Variants in GNAI2 observed in about 807,000 individuals in gnomAD.
GNAI2 encodes the protein guanine nucleotide-binding protein G(i) subunit alpha-2.
GNAI2 carries 4 observed loss-of-function variants against 36.8 expected under a neutral mutation model. The ratio of observed to expected loss-of-function variants is 0.11; its 90% CI spans 0.05 to 0.25. The LOEUF (loss-of-function observed/expected upper bound fraction) is 0.25, where lower values mean the gene tolerates loss of function less well. Ranked by LOEUF, GNAI2 falls within the 10% of genes least tolerant of loss-of-function variation. GNAI2 has a pLI of 1.00. For missense variants in GNAI2, 230 were observed against 481.3 expected (o/e 0.48, Z 4.89); for synonymous variants, 194 against 194.1 (o/e 1.00, Z 0.01).
At chr3:50,228,823 TTCCCTAACTCTG>T (rs1700020864), upstream of GNAI2, among the ~76,000 whole-genome samples, 1 of 152,192 alleles carries the variant, frequency 6.6e-6, no homozygotes, top group Non-Finnish European at 1.5e-5. Context: ...CAAGGCCCAC[TTCCCTAACTCTG>T]TCTGCTTGGC....
At chr3:50,251,106 C>T (rs971700604) in intron 1 of GNAI2, among the ~76,000 whole-genome samples, 1 of 152,176 alleles carries the variant, frequency 6.6e-6, no homozygotes, top group Non-Finnish European at 1.5e-5. Context: ...CCACCACTCC[C>T]GGCGGAATCT....
intron 1 of GNAI2, among the ~76,000 whole-genome samples, chr3:50,250,225 T>C (rs1393547232): frequency 2.0e-5 from 3 of 152,152 alleles, no homozygotes; most frequent in Non-Finnish European, 4.4e-5. Context: ...TGGTGGGCGC[T>C]GTTTTCATAT....
At chr3:50,243,653 A>T (rs953270969) in intron 1 of GNAI2, among the ~76,000 whole-genome samples, 1 of 152,214 alleles carries the variant, frequency 6.6e-6, no homozygotes. Context: ...ATCTTGTCAT[A>T]TTTAATCCTG....
Position 50,256,828 on chromosome 3 carries a change from G to A in GNAI2, c.699G>A (p.Leu233=), listed in dbSNP as rs782061456. 6.2e-7 allele frequency: 1 copy of A among 1,614,228 alleles called. No homozygotes were observed. The highest frequency in any genetic ancestry group is 1.1e-5 in the South Asian group (1 of 91,086). ...GCGTAGCCTTGAGCGCCTATGACTT[G>A]GTGCTAGCTGAGGACGAGGAGATGG... ...IFCVALSAYD[L]VLAEDEEMNR... Residue 233 remains leucine, a synonymous_variant, in exon 6 of 9, where the codon TTG becomes TTA. Coordinates refer to ENST00000313601, the MANE Select transcript of GNAI2 (RefSeq NM_002070.4).
chr3:50,258,117 C>T (rs781821546), intron 8 of GNAI2: 18 of 163,572 alleles, frequency 1.1e-4, no homozygotes, highest in African/African-American at 4.1e-4. Context: ...AGCTCTTGCC[C>T]TCTGACTTGT....
upstream of GNAI2, among the ~76,000 whole-genome samples, chr3:50,227,728 G>A (rs1286676590): frequency 6.6e-6 from 1 of 152,220 alleles, no homozygotes; most frequent in Admixed American, 6.5e-5. This position sits in a 1 kb window ranked among gnomAD's most constrained non-coding sequence, Gnocchi z 5.9. Context: ...AGTGGACAAG[G>A]GGGAAAATAA....
rs1700610272 is a variant in GNAI2 at position 50,253,264 on chromosome 3, C to T, written c.464+80C>T. 1.8e-6 allele frequency: 2 copies of T among 1,139,810 alleles called. No individual in the cohort carries two copies. The highest frequency in any genetic ancestry group is 2.1e-5 in the Admixed American group (1 of 48,612). The allele number at this position is 1,139,810 out of a possible 1,614,324, so 70.6% of individuals were successfully genotyped here. Reference sequence around the variant, plus strand: ...GGCTGGACCGGAGGGCCTGAGAACCCCCAGAAGGACACTGCTGGTCTTTGC... The same window carrying T: ...GGCTGGACCGGAGGGCCTGAGAACCTCCAGAAGGACACTGCTGGTCTTTGC... On this transcript the variant is annotated intron_variant, in intron 4 of 8. Transcript: ENST00000313601. The surrounding 1 kb of genome is among the most constrained non-coding windows in gnomAD (Gnocchi z 4.2).
chr3:50,256,327 G>A lies in GNAI2; in HGVS notation c.593+7G>A, dbSNP rs782378562. 96 of 1,613,638 alleles carry A rather than the reference G, an allele frequency of 5.9e-5. No individual in the cohort carries two copies. Among genetic ancestry groups the A allele is most frequent in the Middle Eastern group, 4.9e-4 (3 of 6,082 alleles). Reference sequence around the variant, plus strand: ...TCAAGGACCTACACTTCAAGTGAGCGAGCATGTGGACAGGTGGGAGGGGCA... The same window carrying A: ...TCAAGGACCTACACTTCAAGTGAGCAAGCATGTGGACAGGTGGGAGGGGCA... On this transcript the variant is annotated splice_region_variant and intron_variant, in intron 5 of 8. Coordinates refer to ENST00000313601, the MANE Select transcript of GNAI2 (RefSeq NM_002070.4).
At chr3:50,246,373 G>A (rs1173527772) in intron 1 of GNAI2, among the ~76,000 whole-genome samples, 1 of 152,234 alleles carries the variant, frequency 6.6e-6, no homozygotes, top group Non-Finnish European at 1.5e-5. Context: ...GCCCCCTGGT[G>A]GTGGCGGGGC....
chr3:50,256,243 G>A lies in GNAI2; in HGVS notation c.516G>A (p.Gln172=), dbSNP rs1553703159. Residue 172 remains glutamine, a synonymous_variant, in exon 5 of 9, where the codon CAG becomes CAA. Coordinates refer to ENST00000313601, the MANE Select transcript of GNAI2 (RefSeq NM_002070.4). ...CACAGAGTGACTACATCCCCACACA[G>A]CAAGATGTGCTACGGACCCGCGTAA... ...RIAQSDYIPT[Q]QDVLRTRVKT... 2 of 1,549,568 alleles carry A rather than the reference G, an allele frequency of 1.3e-6. No individual in the cohort carries two copies. The highest frequency in any genetic ancestry group is 2.2e-5 in the South Asian group (2 of 90,240).
intron 8 of GNAI2, 97 bp from the exon 9 acceptor site, chr3:50,258,271 G>A (rs587631888): frequency 6.5e-6 from 1 of 152,940 alleles, no homozygotes; most frequent in South Asian, 2.0e-4. Context: ...GTAACAAATG[G>A]GTAGGAAAAA....
chr3:50,227,570 A>G (rs888108449), upstream of GNAI2: 8 of 167,216 alleles, frequency 4.8e-5, no homozygotes, highest in South Asian at 9.9e-4. This position sits in a 1 kb window ranked among gnomAD's most constrained non-coding sequence, Gnocchi z 5.9. Context: ...TCCGGCCTAG[A>G]GAGGCCCCGG....
rs1379287445 is a variant in GNAI2, at chr3:50,252,407, G to A, written c.172G>A (p.Glu58Lys). 1 of 1,613,748 alleles carries A rather than the reference G, an allele frequency of 6.2e-7. No individual in the cohort carries two copies. The highest frequency in any genetic ancestry group is 8.5e-7 in the Non-Finnish European group (1 of 1,179,994). The change falls in exon 3 of 9, where the codon GAG becomes AAG. Residue 58 changes from glutamate (E) to lysine (K), a missense_variant. Physicochemically the swap from Glu to Lys is moderately conservative, Grantham distance 56. Transcript: ENST00000313601. This position sits in a 1 kb window ranked among gnomAD's most constrained non-coding sequence, Gnocchi z 4.1. ...GTCCCTGGCTATCAGGATCATCCAC[G>A]AGGATGGCTACTCCGAGGAGGAATG... is the stretch of plus-strand genomic sequence containing the variant. ...TIVKQMKIIHEDGYSEEECRQ... is the reference protein window; with the variant it reads ...TIVKQMKIIHKDGYSEEECRQ...
intron 1 of GNAI2, among the ~76,000 whole-genome samples, chr3:50,249,712 G>C (rs1700509072): frequency 6.6e-6 from 1 of 152,194 alleles, no homozygotes; most frequent in Non-Finnish European, 1.5e-5. Flanking sequence ...TACCCAACTA[G>C]CTGTCACTCC....
intron 4 of GNAI2, among the ~76,000 whole-genome samples, chr3:50,254,698 C>G (rs1313130341): frequency 1.3e-5 from 2 of 152,220 alleles, no homozygotes; most frequent in Admixed American, 6.5e-5. Flanking sequence ...TCAAAGGAAG[C>G]AGGAATAGAG....
At position 50,238,824 on chromosome 3, in the gene GNAI2, C is replaced by T. The variant is rs1043658687; in HGVS notation, c.118+2371C>T. 6.6e-6 allele frequency among the ~76,000 whole-genome samples: 1 copy of T among 152,344 alleles called. No homozygotes were observed. Among genetic ancestry groups the T allele is most frequent in the African/African-American group, 2.4e-5 (1 of 41,572 alleles). On this transcript the variant is annotated intron_variant, in intron 1 of 8. Coordinates refer to ENST00000313601, the MANE Select transcript of GNAI2 (RefSeq NM_002070.4). This position sits in a 1 kb window ranked among gnomAD's most constrained non-coding sequence, Gnocchi z 5.0. ...TAAGTTCAGAGTTCTGGGCGCCTGTCCCATGTAGCGGGAGACTTTGTCCAG... is the reference window on the plus strand; with the variant it reads ...TAAGTTCAGAGTTCTGGGCGCCTGTTCCATGTAGCGGGAGACTTTGTCCAG...
In GNAI2 at chr3:50,246,821, G is replaced by T. The variant is rs1700435334; in HGVS notation, c.119-5279G>T. 6 of 1,063,110 alleles carry T rather than the reference G, an allele frequency of 5.6e-6. No individual in the cohort carries two copies. The South Asian group carries it at 7.3e-5, about 13-fold the overall frequency. 65.9% of individuals were successfully genotyped at this position (1,063,110 alleles called of 1,614,324 possible). A position where few individuals can be genotyped will look rare whatever the true frequency, so the allele number is the denominator to read the frequency against. On this transcript the variant is annotated intron_variant, in intron 1 of 8. Transcript: ENST00000313601. ...AGTGAGGCTCCTGGGCAGGAAGGAG[G>T]CCCCAGCTGTGTAGGAGTGCCGGGT...
chr3:50,248,457 C>T (rs1004147371), intron 1 of GNAI2, among the ~76,000 whole-genome samples: 5 of 152,104 alleles, frequency 3.3e-5, no homozygotes, highest in African/African-American at 9.7e-5. Context: ...GTGGGCTGCC[C>T]GAGAGCTCTT....
At chr3:50,240,789 T>C (rs587679687) in intron 1 of GNAI2, among the ~76,000 whole-genome samples, 4 of 152,004 alleles carry the variant, frequency 2.6e-5, no homozygotes, top group South Asian at 2.1e-4. Flanking sequence ...TATGGTGGTA[T>C]GTGCCTGTAA....
Sources: gnomAD v4.1 joint callset for allele counts (sites outside exome capture counted in the v4.1 genomes callset) on GRCh38, gnomAD v4.1.1 for gene constraint, Gnocchi (gnomAD v3.1) non-coding constraint, MANE v1.5 for transcripts, NCBI Gene and HGNC (gene_info 2026-07-23, HGNC 2026-07-21) for gene names.